The following FGD3 variants were observed in gnomAD, a reference collection of about 807,000 sequenced individuals.
The protein encoded by FGD3 is FYVE, RhoGEF and PH domain-containing protein 3.
FGD3 carries 45 observed loss-of-function variants against 71.8 expected under a neutral mutation model. The observed-to-expected ratio is 0.63, with a 90% confidence interval of 0.49 to 0.80. The LOEUF (loss-of-function observed/expected upper bound fraction) is 0.80. Among genes scored for constraint, FGD3 ranks in the 30% least tolerant of loss-of-function variants. FGD3 has a pLI of 0.00. For missense variants in FGD3, 844 were observed against 951.5 expected (o/e 0.89, Z 1.49); for synonymous variants, 378 against 392.8 (o/e 0.96, Z 0.44).
intron 11 of FGD3, 122 bp from the exon 12 acceptor site, chr9:93,019,709 A>G: frequency 1.1e-5 from 11 of 967,386 alleles, no homozygotes; most frequent in Non-Finnish European, 1.8e-5. Context: ...CAATCTTCCA[A>G]TCCTTGAGCT....
chr9:92,963,570 G>T (rs1373829655), intron 1 of FGD3, among the ~76,000 whole-genome samples: 1 of 152,202 alleles, frequency 6.6e-6, no homozygotes, highest in Non-Finnish European at 1.5e-5. Context: ...AAAGTGCTGG[G>T]ATTTCAGGCA....
intron 3 of FGD3, among the ~76,000 whole-genome samples, chr9:93,001,258 C>T (rs144100976): frequency 1.3e-5 from 2 of 152,040 alleles, no homozygotes; most frequent in East Asian, 3.9e-4. Flanking sequence ...ACAACTATTT[C>T]GATGTTTTTT....
intron 8 of FGD3, among the ~76,000 whole-genome samples, chr9:93,012,208 C>T (rs1211193217): frequency 1.3e-5 from 2 of 151,850 alleles, no homozygotes; most frequent in Non-Finnish European, 2.9e-5. Context: ...AAGGAATTTC[C>T]TTTGTTTTCT....
chr9:93,035,443 A>G lies in FGD3; in HGVS notation c.2032A>G (p.Lys678Glu), dbSNP rs746729218. 8.1e-6 allele frequency: 13 copies of G among 1,612,956 alleles called. No individual in the cohort carries two copies. Among genetic ancestry groups the G allele is most frequent in the Non-Finnish European group, 1.1e-5 (13 of 1,179,692 alleles). The change falls in exon 18 of 18, where the codon AAG (lysine) becomes GAG (glutamate). Residue 678 changes from lysine (K) to glutamate (E), a missense_variant. By Grantham distance (56) the Lys-to-Glu change is moderately conservative (BLOSUM62 1). Transcript: ENST00000375482. ...SGHVWKLQWA[K>E]QSWYLSASSA... ...GCATGTGTGGAAGCTGCAGTGGGCC[A>G]AGCAGTCCTGGTACCTGAGCGCCTC...
chr9:93,016,693 G>T (rs969376303), intron 10 of FGD3, among the ~76,000 whole-genome samples: 1 of 148,028 alleles, frequency 6.8e-6, no homozygotes, highest in Non-Finnish European at 1.5e-5. Flanking sequence ...GTGTGATCTC[G>T]GCTCACTGCG....
At chr9:92,998,201 C>T (rs1433709426) in intron 3 of FGD3, among the ~76,000 whole-genome samples, 1 of 152,142 alleles carries the variant, frequency 6.6e-6, no homozygotes, top group Non-Finnish European at 1.5e-5. Context: ...CTTCTCTTCT[C>T]ACTTCATTTC....
At chr9:92,965,357 G>C (rs73651344) in intron 1 of FGD3, among the ~76,000 whole-genome samples, 2,518 of 152,308 alleles carry the variant, frequency 0.017, 58 homozygotes, top group African/African-American at 0.055. Flanking sequence ...GCACACAGCT[G>C]ACTTGCCCTG....
chr9:92,997,241 G>C (rs1860682708), intron 3 of FGD3, among the ~76,000 whole-genome samples: 1 of 152,100 alleles, frequency 6.6e-6, no homozygotes, highest in South Asian at 2.1e-4. Context: ...GGCCTTCTTT[G>C]TCTCTTTTGA....
At chr9:92,987,236 T>C (rs1180017830) in intron 3 of FGD3, among the ~76,000 whole-genome samples, 2 of 151,938 alleles carry the variant, frequency 1.3e-5, no homozygotes, top group Non-Finnish European at 2.9e-5. Flanking sequence ...ATCGAGACCA[T>C]CCTGGCTAAC....
At position 93,022,385 on chromosome 9, in the gene FGD3, C is replaced by T; in HGVS notation, c.1553C>T (p.Ala518Val). 1 of 1,612,412 alleles carries T rather than the reference C, an allele frequency of 6.2e-7. No individual in the cohort carries two copies. The highest frequency in any genetic ancestry group is 8.5e-7 in the Non-Finnish European group (1 of 1,179,330). The change falls in exon 14 of 18, where the codon GCA (alanine) becomes GTA (valine). Residue 518 changes from alanine (A) to valine (V), a missense_variant. Ala to Val is a moderately conservative substitution (Grantham distance 64, BLOSUM62 0). Coordinates refer to ENST00000375482, the MANE Select transcript of FGD3 (RefSeq NM_001083536.2). ...VVTTEGSSGA[A>V]GLEPRKLSSK... Reference sequence around the variant, plus strand: ...ACCACCGAAGGCAGTTCGGGTGCAGCAGGGGTAAGTGCCCCATGCTCAGCG... The same window carrying T: ...ACCACCGAAGGCAGTTCGGGTGCAGTAGGGGTAAGTGCCCCATGCTCAGCG...
chr9:93,022,451 A>G, intron 14 of FGD3, 62 bp downstream of exon 14: 1 of 1,558,348 alleles, frequency 6.4e-7, no homozygotes, highest in East Asian at 2.3e-5. Flanking sequence ...TCAGACCAGG[A>G]TGACCTATAG....
At chr9:93,010,407 C>T in intron 7 of FGD3, 23 bp downstream of exon 7, 2 of 1,590,650 alleles carry the variant, frequency 1.3e-6, no homozygotes. Flanking sequence ...CAAGGGCTCC[C>T]AGGAGGGTGC....
chr9:93,033,957 T>C (rs952074113), intron 16 of FGD3: 2 of 152,368 alleles, frequency 1.3e-5, no homozygotes, highest in African/African-American at 2.4e-5. Flanking sequence ...GCAATTTAAA[T>C]ACCGAGGTGT....
chr9:92,991,297 T>C (rs1860400061), intron 3 of FGD3, among the ~76,000 whole-genome samples: 1 of 152,138 alleles, frequency 6.6e-6, no homozygotes, highest in East Asian at 1.9e-4. Flanking sequence ...CAGGCTGGTT[T>C]CAAACTCCTA....
intron 3 of FGD3, among the ~76,000 whole-genome samples, chr9:92,978,648 A>G (rs1859862368): frequency 6.8e-6 from 1 of 148,080 alleles, no homozygotes; most frequent in Non-Finnish European, 1.5e-5. Flanking sequence ...CATGAATTGC[A>G]TGTTACACGC....
At chr9:93,022,106 A>G (rs1213180744) in intron 13 of FGD3, among the ~76,000 whole-genome samples, 2 of 152,156 alleles carry the variant, frequency 1.3e-5, no homozygotes, top group East Asian at 3.9e-4. Context: ...CACCCACCTC[A>G]CTGGGAGATG....
At chr9:92,970,114 T>C (rs534849834) in intron 1 of FGD3, among the ~76,000 whole-genome samples, 3 of 152,208 alleles carry the variant, frequency 2.0e-5, no homozygotes, top group African/African-American at 7.2e-5. Context: ...TGTGGAAACA[T>C]AGGCATAGCC....
intron 1 of FGD3, among the ~76,000 whole-genome samples, chr9:92,960,673 TG>T (rs1460671797): frequency 1.3e-5 from 2 of 152,078 alleles, no homozygotes; most frequent in African/African-American, 4.8e-5. Flanking sequence ...GGGAGAGTTG[TG>T]GGGGCTCTGT....
chr9:93,029,743 T>G (rs1862282591), intron 14 of FGD3, 131 bp from the exon 15 acceptor site: 1 of 1,256,800 alleles, frequency 8.0e-7, no homozygotes, highest in Non-Finnish European at 1.1e-6. Context: ...CTTCATTCCC[T>G]TCTGCATGTT....
Sources: allele counts gnomAD v4.1 joint callset (sites outside exome capture counted in the v4.1 genomes callset), GRCh38; gene constraint gnomAD v4.1.1; transcripts MANE v1.5; gene names NCBI Gene and HGNC (gene_info 2026-07-23, HGNC 2026-07-21).